NRP2: variants seen among roughly 807,000 people sequenced by gnomAD.
The protein encoded by NRP2 is neuropilin-2.
Under a neutral mutation model 110.4 loss-of-function variants are expected in NRP2, and 52 were observed. The ratio of observed to expected loss-of-function variants is 0.47; its 90% CI spans 0.38 to 0.59. NRP2 has a LOEUF of 0.59. Ranked by LOEUF, NRP2 falls within the 20% of genes least tolerant of loss-of-function variation. The pLI, the probability that NRP2 is intolerant of heterozygous loss-of-function variation, is 0.00. For missense variants in NRP2, 1,049 were observed against 1,203.0 expected, an observed-to-expected ratio of 0.87 and a Z score of 1.89; for synonymous variants, 508 against 468.9, an observed-to-expected ratio of 1.08 and a Z score of -1.08.
chr2:205,788,680 G>A (rs1036480555), intron 15 of NRP2, among the ~76,000 whole-genome samples: 2 of 152,096 alleles, frequency 1.3e-5, no homozygotes, highest in Non-Finnish European at 2.9e-5. Flanking sequence ...TCCTGATAGT[G>A]GCCCAGGCTC....
intron 7 of NRP2, chr2:205,740,068 AC>A: frequency 3.6e-6 from 1 of 276,268 alleles, no homozygotes; most frequent in South Asian, 3.9e-5. Flanking sequence ...ACCGTGAAGC[AC>A]TTTGCAATTA....
intron 11 of NRP2, among the ~76,000 whole-genome samples, chr2:205,752,036 A>G (rs970910287): frequency 6.6e-6 from 1 of 152,204 alleles, no homozygotes; most frequent in Non-Finnish European, 1.5e-5. Flanking sequence ...AGGCTCAGGC[A>G]GGTGAACCAT....
At chr2:205,742,342 G>C (rs1479201023) in intron 8 of NRP2, among the ~76,000 whole-genome samples, 1 of 152,172 alleles carries the variant, frequency 6.6e-6, no homozygotes, top group Non-Finnish European at 1.5e-5. Context: ...AAATAGATGG[G>C]GTCTCTGACA....
chr2:205,709,873 A>T (rs372708204), intron 2 of NRP2, among the ~76,000 whole-genome samples: 1 of 152,218 alleles, frequency 6.6e-6, no homozygotes, highest in South Asian at 2.1e-4. Flanking sequence ...ATATGTTCAC[A>T]TATGGATATA....
chr2:205,776,762 CT>C, intron 15 of NRP2: 1 of 1,439,688 alleles, frequency 6.9e-7, no homozygotes, highest in Non-Finnish European at 9.1e-7. Context: ...AACTCTAATG[CT>C]GCATCTTGGA....
chr2:205,729,825 G>A (rs1045716123), intron 7 of NRP2, among the ~76,000 whole-genome samples: 1 of 152,054 alleles, frequency 6.6e-6, no homozygotes, highest in African/African-American at 2.4e-5. Flanking sequence ...TAGCTTTCTG[G>A]TTTTCAGAAT....
intron 15 of NRP2, among the ~76,000 whole-genome samples, chr2:205,781,680 A>G (rs948394874): frequency 8.5e-5 from 13 of 152,346 alleles, no homozygotes; most frequent in Admixed American, 7.2e-4. Context: ...TTAATTGTGC[A>G]GATCACTGGG....
intron 12 of NRP2, among the ~76,000 whole-genome samples, chr2:205,754,969 C>G (rs2057710708): frequency 6.6e-6 from 1 of 152,136 alleles, no homozygotes; most frequent in African/African-American, 2.4e-5. Flanking sequence ...CTCTTCTAAG[C>G]ATATTTTCTC....
At chr2:205,683,964 A>G (rs2056081275) in intron 1 of NRP2, among the ~76,000 whole-genome samples, 1 of 152,216 alleles carries the variant, frequency 6.6e-6, no homozygotes, top group South Asian at 2.1e-4. Flanking sequence ...GGCAACCAAG[A>G]CGGTTGGTCT....
rs2058028249 is a variant in NRP2, at chr2:205,771,881, C to T, written c.2425+5078C>T. On this transcript the variant is annotated intron_variant, in intron 15 of 16. Coordinates refer to ENST00000357785, the MANE Select transcript of NRP2 (RefSeq NM_003872.3). ...AAAGCATCCATAAGCAATATGTAAA[C>T]AAATGAGGGTGTCTGTGTTCCAACA... Among the ~76,000 whole-genome samples, 3 of 152,322 alleles carry T rather than the reference C, an allele frequency of 2.0e-5. No individual in the cohort carries two copies. In the South Asian group the frequency reaches 6.2e-4, roughly 32 times the overall value.
chr2:205,743,739 C>CG, intron 9 of NRP2, 187 bp downstream of exon 9: 6 of 941,922 alleles, frequency 6.4e-6, no homozygotes, highest in Non-Finnish European at 9.0e-6. Context: ...ATTTCTGACT[C>CG]TTTTGTTTGT....
At chr2:205,778,085 A>T (rs2058126340) in intron 15 of NRP2, 1 of 152,228 alleles carries the variant, frequency 6.6e-6, no homozygotes, top group Non-Finnish European at 1.5e-5. Flanking sequence ...TTCTCAGTGT[A>T]TGAGGTCTCA....
chr2:205,692,359 T>C (rs896950235), intron 1 of NRP2, among the ~76,000 whole-genome samples: 2 of 152,232 alleles, frequency 1.3e-5, no homozygotes, highest in African/African-American at 2.4e-5. Context: ...GAGACTGTCT[T>C]GTGACAGGCT....
intron 7 of NRP2, 72 bp downstream of exon 7, chr2:205,728,118 C>T (rs140725119): frequency 1.9e-6 from 3 of 1,563,670 alleles, no homozygotes; most frequent in African/African-American, 2.7e-5. Context: ...GAGCTTTAAG[C>T]CGACCTCCTA....
intron 7 of NRP2, among the ~76,000 whole-genome samples, chr2:205,733,801 A>C (rs1163114563): frequency 4.5e-5 from 6 of 133,492 alleles, no homozygotes; most frequent in Admixed American, 1.5e-4. Flanking sequence ...CTCCAGCCCC[A>C]CCCCTGAGCT....
chr2:205,765,730 G>T, intron 14 of NRP2, 160 bp downstream of exon 14: 1 of 766,006 alleles, frequency 1.3e-6, no homozygotes, highest in Admixed American at 1.7e-5. Flanking sequence ...TTGTGTCTTA[G>T]GCTGGGTTCA....
intron 2 of NRP2, among the ~76,000 whole-genome samples, chr2:205,710,921 C>T (rs2056785441): frequency 6.6e-6 from 1 of 152,182 alleles, no homozygotes; most frequent in Non-Finnish European, 1.5e-5. Flanking sequence ...ACTTTGACAG[C>T]ATTTTAATTA....
chr2:205,765,402 A>G, intron 13 of NRP2, 72 bp from the exon 14 acceptor site: 1 of 1,286,592 alleles, frequency 7.8e-7, no homozygotes, highest in Non-Finnish European at 1.1e-6. Flanking sequence ...AGCTAACAGA[A>G]ACTTGGAAAT....
At chr2:205,685,517 A>C (rs1356981288) in intron 1 of NRP2, among the ~76,000 whole-genome samples, 1 of 152,216 alleles carries the variant, frequency 6.6e-6, no homozygotes, top group Non-Finnish European at 1.5e-5. Flanking sequence ...AAGATGGGGC[A>C]GAAGGTGCGC....
Sources: gnomAD v4.1 joint callset for allele counts (sites outside exome capture counted in the v4.1 genomes callset) on GRCh38, gnomAD v4.1.1 for gene constraint, MANE v1.5 for transcripts, NCBI Gene and HGNC (gene_info 2026-07-23, HGNC 2026-07-21) for gene names.